FHIT: variants seen among roughly 807,000 people sequenced by gnomAD.
FHIT encodes the protein fragile histidine triad diadenosine triphosphatase, also known as bis(5'-adenosyl)-triphosphatase.
FHIT carries 19 observed loss-of-function variants against 17.9 expected under a neutral mutation model. The ratio of observed to expected loss-of-function variants is 1.06; its 90% CI spans 0.74 to 1.56. The LOEUF is 1.56. Ranked by LOEUF, FHIT falls within the 40% of genes most tolerant of loss-of-function variation. FHIT has a pLI of 0.00. For missense variants in FHIT, 248 were observed against 189.2 expected (o/e 1.31, Z -1.82); for synonymous variants, 81 against 69.7 (o/e 1.16, Z -0.81).
chr3:60,909,388 G>A (rs763268054), intron 3 of FHIT, among the ~76,000 whole-genome samples: 4 of 141,280 alleles, frequency 2.8e-5, no homozygotes, highest in South Asian at 2.3e-4. Flanking sequence ...AAAAAAAAAT[G>A]AGGGTAATCT....
intron 4 of FHIT, among the ~76,000 whole-genome samples, chr3:60,672,623 G>A (rs1375914022): frequency 3.3e-5 from 5 of 152,198 alleles, no homozygotes; most frequent in Admixed American, 2.0e-4. Flanking sequence ...CAGGGGATGC[G>A]ATGGCTTGGC....
At chr3:60,863,159 T>C (rs945509089) in intron 3 of FHIT, among the ~76,000 whole-genome samples, 2 of 152,090 alleles carry the variant, frequency 1.3e-5, no homozygotes, top group Non-Finnish European at 1.5e-5. Flanking sequence ...GGTTCTAAAA[T>C]GTAGGAGGCT....
chr3:59,760,395 G>A (rs1575611399), intron 8 of FHIT, among the ~76,000 whole-genome samples: 1 of 152,074 alleles, frequency 6.6e-6, no homozygotes, highest in African/African-American at 2.4e-5. Flanking sequence ...TTGTCAAGCC[G>A]ATTGCCAAAG....
At chr3:61,132,278 G>A (rs1360236152) in intron 2 of FHIT, among the ~76,000 whole-genome samples, 1 of 152,170 alleles carries the variant, frequency 6.6e-6, no homozygotes, top group East Asian at 1.9e-4. Flanking sequence ...GAGATCACCA[G>A]TTCTCAGAAA....
chr3:60,153,301 G>A (rs62238475), intron 5 of FHIT, among the ~76,000 whole-genome samples: 66 of 142,494 alleles, frequency 4.6e-4, no homozygotes, highest in African/African-American at 1.5e-3. Flanking sequence ...TTCTTTCTAC[G>A]ATGGCATAGT....
intron 7 of FHIT, among the ~76,000 whole-genome samples, chr3:59,964,881 G>C (rs1471675892): frequency 6.6e-6 from 1 of 152,086 alleles, no homozygotes; most frequent in Non-Finnish European, 1.5e-5. Flanking sequence ...ATTAGGCTCA[G>C]CATCTTAAAC....
intron 5 of FHIT, among the ~76,000 whole-genome samples, chr3:60,178,566 A>T (rs1701785285): frequency 6.6e-6 from 1 of 152,118 alleles, no homozygotes; most frequent in East Asian, 1.9e-4. Context: ...AGCCTGGACG[A>T]CACAGCAAGA....
At chr3:60,344,976 C>A (rs1317468328) in intron 5 of FHIT, among the ~76,000 whole-genome samples, 1 of 152,130 alleles carries the variant, frequency 6.6e-6, no homozygotes, top group Non-Finnish European at 1.5e-5. Context: ...CCAGATGTTA[C>A]TTAAGGCAAT....
chr3:60,038,936 G>C (rs1350680532), intron 5 of FHIT, among the ~76,000 whole-genome samples: 1 of 152,144 alleles, frequency 6.6e-6, no homozygotes, highest in Non-Finnish European at 1.5e-5. Flanking sequence ...CGGTCATTAT[G>C]TACTGCCTCT....
chr3:60,224,523 T>A (rs1003373465), intron 5 of FHIT, among the ~76,000 whole-genome samples: 1 of 152,022 alleles, frequency 6.6e-6, no homozygotes, highest in Non-Finnish European at 1.5e-5. Flanking sequence ...TATGCTCATA[T>A]CCCTCCTAAG....
At chr3:60,029,853 G>C (rs1350171442) in intron 5 of FHIT, among the ~76,000 whole-genome samples, 1 of 142,644 alleles carries the variant, frequency 7.0e-6, no homozygotes, top group African/African-American at 2.6e-5. Flanking sequence ...ACAGGCAGTT[G>C]TTGGGCAGAT....
intron 4 of FHIT, among the ~76,000 whole-genome samples, chr3:60,558,291 A>G (rs377527293): frequency 6.6e-6 from 1 of 152,024 alleles, no homozygotes; most frequent in South Asian, 2.1e-4. Flanking sequence ...GCATACACAC[A>G]GGGCCACATG....
At position 60,174,249 on chromosome 3, in the gene FHIT, GA is replaced by G. The variant is rs575322487; in HGVS notation, c.104-160098del. ...TTAAGACTGAAGTGCTTTTTAAAAA[GA>G]AAAAAAAATCTTATGGCTACACCAC... On this transcript the variant is annotated intron_variant, in intron 5 of 9. Transcript: ENST00000492590. 8.5e-3 allele frequency among the ~76,000 whole-genome samples: 1,276 copies of G among 150,526 alleles called. 6 individuals carry two copies. The highest frequency in any genetic ancestry group is 0.014 in the Non-Finnish European group (917 of 67,536).
At chr3:60,009,163 TTATGTGTGTGTGTGTGTGTGTG>T (rs1158977137) in intron 7 of FHIT, among the ~76,000 whole-genome samples, 4,860 of 128,848 alleles carry the variant, frequency 0.038, 239 homozygotes, top group African/African-American at 0.11. Flanking sequence ...CTCTGGGATT[TTATGTGTGTGTGTGTGTGTGTG>T]TGTGTGTGTG....
chr3:60,904,937 T>TAA (rs34683848), intron 3 of FHIT, among the ~76,000 whole-genome samples: 312 of 132,396 alleles, frequency 2.4e-3, no homozygotes, highest in Admixed American at 3.3e-3. Context: ...AGACTTGGTC[T>TAA]AAAAAAAAAA....
intron 5 of FHIT, among the ~76,000 whole-genome samples, chr3:60,047,804 C>T (rs1480146426): frequency 2.6e-5 from 4 of 152,164 alleles, no homozygotes; most frequent in East Asian, 1.9e-4. Flanking sequence ...GAGCCAGTAA[C>T]GAGCAGACTA....
At chr3:60,897,058 T>C (rs1440036788) in intron 3 of FHIT, among the ~76,000 whole-genome samples, 1 of 152,196 alleles carries the variant, frequency 6.6e-6, no homozygotes, top group Non-Finnish European at 1.5e-5. Context: ...ATGCTATATA[T>C]AGTCTTCCAC....
intron 7 of FHIT, among the ~76,000 whole-genome samples, chr3:59,980,477 T>C (rs1417493031): frequency 6.6e-6 from 1 of 152,206 alleles, no homozygotes; most frequent in East Asian, 1.9e-4. Context: ...CATTCTACAG[T>C]TTCTAACCGG....
In FHIT at chr3:60,255,171, T is replaced by C. The variant is rs1576375854; in HGVS notation, c.104-241019A>G. Reference sequence around the variant, plus strand: ...GAATTCTCCTCCTACCTAACTTTTCTATAAAGTTAATGCATTTAATAGATA... The same window carrying C: ...GAATTCTCCTCCTACCTAACTTTTCCATAAAGTTAATGCATTTAATAGATA... On this transcript the variant is annotated intron_variant, in intron 5 of 9. Coordinates refer to ENST00000492590, the MANE Select transcript of FHIT (RefSeq NM_002012.4). 2.0e-5 allele frequency among the ~76,000 whole-genome samples: 3 copies of C among 152,274 alleles called. No individual in the cohort carries two copies. In the South Asian group the frequency reaches 6.2e-4, roughly 32 times the overall value.
Sources: allele counts gnomAD v4.1 joint callset (sites outside exome capture counted in the v4.1 genomes callset), GRCh38; gene constraint gnomAD v4.1.1; transcripts MANE v1.5; gene names NCBI Gene and HGNC (gene_info 2026-07-23, HGNC 2026-07-21).